Variants in TNNI3K observed in about 807,000 individuals in gnomAD.
TNNI3K encodes TNNI3 interacting kinase.
Under a neutral mutation model 114.5 loss-of-function variants are expected in TNNI3K, and 140 were observed. The observed-to-expected ratio is 1.22, with a 90% CI of 1.07 to 1.41. The LOEUF (loss-of-function observed/expected upper bound fraction) is 1.41. Among genes scored for constraint, TNNI3K ranks in the 40% most tolerant of loss-of-function variants. The pLI is 0.00. For missense variants in TNNI3K, 1,125 were observed against 1,007.6 expected, an observed-to-expected ratio of 1.12 and a Z score of -1.58; for synonymous variants, 347 against 347.5, an observed-to-expected ratio of 1.00 and a Z score of 0.02.
chr1:74,353,913 CTT>C, intron 10 of TNNI3K, 65 bp from the exon 11 acceptor site: 2 of 1,543,350 alleles, frequency 1.3e-6, no homozygotes, highest in Non-Finnish European at 1.7e-6. Context: ...TGATGACTGT[CTT>C]TTGAAAATTG....
chr1:74,530,162 G>T lies in TNNI3K; in HGVS notation c.2352-10072G>T, dbSNP rs1473387095. ...TCTACGTTTCTATTTACCCCAGAGG[G>T]TAGGGTCTATATCCATCACACTCAT... On this transcript the variant is annotated intron_variant, in intron 23 of 24. Coordinates refer to ENST00000326637, the MANE Select transcript of TNNI3K (RefSeq NM_015978.3). 7.9e-5 allele frequency among the ~76,000 whole-genome samples: 12 copies of T among 152,238 alleles called. No homozygotes were observed. In the South Asian group the frequency reaches 2.5e-3, roughly 32 times the overall value.
At chr1:74,417,510 G>T (rs1665175522) in intron 17 of TNNI3K, among the ~76,000 whole-genome samples, 1 of 152,054 alleles carries the variant, frequency 6.6e-6, no homozygotes. Flanking sequence ...CTTCATAGGA[G>T]TCTCAAGTAT....
rs980793541 is a variant in TNNI3K, at chr1:74,293,755, C to T, written c.444+22047C>T. Among the ~76,000 whole-genome samples, 10 of 151,686 alleles carry T rather than the reference C, an allele frequency of 6.6e-5. No homozygotes were observed. In the South Asian group the frequency reaches 1.9e-3, roughly 28 times the overall value. On this transcript the variant is annotated intron_variant, in intron 5 of 24. Coordinates refer to ENST00000326637, the MANE Select transcript of TNNI3K (RefSeq NM_015978.3). The stretch of plus-strand genomic sequence containing the variant: ...TGACAAAGAATAGACCTGTTTTATT[C>T]CTGATTTTAGGGATAAAATTATATT...
intron 17 of TNNI3K, among the ~76,000 whole-genome samples, chr1:74,406,218 T>C (rs139258949): frequency 9.9e-4 from 151 of 152,318 alleles, no homozygotes; most frequent in East Asian, 8.1e-3. Flanking sequence ...AGAGTAAGCT[T>C]GTCCACCCCA....
At chr1:74,534,075 A>G (rs1415708763) in intron 23 of TNNI3K, among the ~76,000 whole-genome samples, 1 of 152,188 alleles carries the variant, frequency 6.6e-6, no homozygotes, top group Non-Finnish European at 1.5e-5. Flanking sequence ...TTTTATAAAA[A>G]TGTTACAAGC....
At chr1:74,390,436 T>C (rs1352598533) in intron 17 of TNNI3K, among the ~76,000 whole-genome samples, 3 of 152,226 alleles carry the variant, frequency 2.0e-5, no homozygotes, top group Non-Finnish European at 4.4e-5. Flanking sequence ...TGTCAGTATT[T>C]AACTCTGAAA....
At chr1:74,310,047 T>C (rs1384742959) in intron 5 of TNNI3K, among the ~76,000 whole-genome samples, 3 of 152,208 alleles carry the variant, frequency 2.0e-5, no homozygotes, top group African/African-American at 7.2e-5. Flanking sequence ...TATGATTTCA[T>C]ATCTAGAAAA....
chr1:74,289,767 A>G (rs1657562743), intron 5 of TNNI3K, among the ~76,000 whole-genome samples: 1 of 151,934 alleles, frequency 6.6e-6, no homozygotes, highest in Non-Finnish European at 1.5e-5. Context: ...AGAAAATTAT[A>G]TGTGTCTAGT....
intron 6 of TNNI3K, among the ~76,000 whole-genome samples, chr1:74,334,778 G>A (rs1660382488): frequency 6.6e-6 from 1 of 152,102 alleles, no homozygotes; most frequent in South Asian, 2.1e-4. Context: ...AAGCTGCCAT[G>A]AAAATCAAGA....
chr1:74,526,035 T>C (rs528844373), intron 23 of TNNI3K, among the ~76,000 whole-genome samples: 1 of 152,222 alleles, frequency 6.6e-6, no homozygotes, highest in Non-Finnish European at 1.5e-5. Flanking sequence ...AGGTTTGGTA[T>C]ACATTCGCTT....
chr1:74,481,341 G>A (rs923964441), intron 21 of TNNI3K, among the ~76,000 whole-genome samples: 6 of 152,140 alleles, frequency 3.9e-5, no homozygotes, highest in African/African-American at 1.4e-4. Context: ...TGCAGATCCA[G>A]GACAGAATCA....
intron 9 of TNNI3K, among the ~76,000 whole-genome samples, chr1:74,346,946 G>A (rs932326262): frequency 1.3e-5 from 2 of 151,082 alleles, no homozygotes; most frequent in African/African-American, 4.9e-5. Flanking sequence ...TTGAATTGGG[G>A]CCCACCCTAA....
At chr1:74,387,383 T>C (rs376946146) in intron 17 of TNNI3K, among the ~76,000 whole-genome samples, 33 of 152,240 alleles carry the variant, frequency 2.2e-4, no homozygotes, top group African/African-American at 8.0e-4. Context: ...GAAAATCGTA[T>C]TTTGGTCAAA....
At chr1:74,378,164 A>G (rs1434354256) in intron 17 of TNNI3K, among the ~76,000 whole-genome samples, 3 of 152,056 alleles carry the variant, frequency 2.0e-5, no homozygotes, top group Admixed American at 6.6e-5. Context: ...TGAAATGTTT[A>G]TGTCCAAAAT....
chr1:74,533,573 A>C (rs1389754416), intron 23 of TNNI3K, among the ~76,000 whole-genome samples: 1 of 140,386 alleles, frequency 7.1e-6, no homozygotes, highest in African/African-American at 2.7e-5. Context: ...TATATACCCA[A>C]AGGACTATAA....
At chr1:74,464,255 C>A (rs1395908979) in intron 21 of TNNI3K, among the ~76,000 whole-genome samples, 1 of 152,208 alleles carries the variant, frequency 6.6e-6, no homozygotes, top group Non-Finnish European at 1.5e-5. Context: ...GATTGCACAA[C>A]TTCTTTCCTA....
intron 22 of TNNI3K, among the ~76,000 whole-genome samples, chr1:74,490,652 G>A (rs1557602610): frequency 6.6e-6 from 1 of 152,178 alleles, no homozygotes; most frequent in Non-Finnish European, 1.5e-5. Flanking sequence ...AAAGAGGCTT[G>A]ACTTGCGCAG....
chr1:74,386,752 A>G (rs1040234389), intron 17 of TNNI3K, among the ~76,000 whole-genome samples: 1 of 152,200 alleles, frequency 6.6e-6, no homozygotes, highest in African/African-American at 2.4e-5. Flanking sequence ...TGGACAATTT[A>G]AAATTAGTTG....
At chr1:74,332,310 C>CTTT (rs1660244498) in intron 6 of TNNI3K, among the ~76,000 whole-genome samples, 1 of 107,646 alleles carries the variant, frequency 9.3e-6, no homozygotes, top group African/African-American at 3.5e-5. Context: ...TTTTTTTTTT[C>CTTT]TTTTTTGTGA....
Sources: allele counts gnomAD v4.1 joint callset (sites outside exome capture counted in the v4.1 genomes callset), GRCh38; gene constraint gnomAD v4.1.1; transcripts MANE v1.5; gene names NCBI Gene and HGNC (gene_info 2026-07-23, HGNC 2026-07-21).